ARMC2: variants seen among roughly 807,000 people sequenced by gnomAD.
The protein encoded by ARMC2 is armadillo repeat containing 2.
Under a neutral mutation model 90.3 loss-of-function variants are expected in ARMC2, and 67 were observed. The observed-to-expected ratio is 0.74, with a 90% CI of 0.61 to 0.91. The LOEUF is 0.91. Ranked by LOEUF, ARMC2 falls within the 40% of genes least tolerant of loss-of-function variation. The pLI, the probability that ARMC2 is intolerant of heterozygous loss-of-function variation, is 0.00. For synonymous variants in ARMC2, 393 were observed against 393.0 expected, an observed-to-expected ratio of 1.00 and a Z score of 0.00; for missense variants, 920 against 1,030.9, an observed-to-expected ratio of 0.89 and a Z score of 1.47.
At chr6:108,973,315 A>G in intron 17 of ARMC2, 42 bp from the exon 18 acceptor site, 2 of 1,537,382 alleles carry the variant, frequency 1.3e-6, no homozygotes, top group Non-Finnish European at 1.8e-6. Context: ...CAATAGGATT[A>G]CATTTCTAAA....
the ARMC2 span, among the ~76,000 whole-genome samples, chr6:109,021,389 AC>A: frequency 5.9e-5 from 9 of 152,068 alleles, no homozygotes; most frequent in Non-Finnish European, 8.8e-5. Context: ...TTTCCATACA[AC>A]CCTAGAGTAG....
At chr6:108,975,007 T>G (rs2128523063), downstream of ARMC2, among the ~76,000 whole-genome samples, 1 of 152,200 alleles carries the variant, frequency 6.6e-6, no homozygotes, top group East Asian at 1.9e-4. Context: ...CTCTCTTTTT[T>G]TTTTTCTTAA....
At chr6:108,884,910 GGAAC>G (rs1777930886) in intron 5 of ARMC2, among the ~76,000 whole-genome samples, 1 of 152,150 alleles carries the variant, frequency 6.6e-6, no homozygotes, top group African/African-American at 2.4e-5. Context: ...AAGCAGAGAT[GGAAC>G]CCTGCATGGC....
chr6:108,994,490 T>C, the ARMC2 span: 1 of 1,613,000 alleles, frequency 6.2e-7, no homozygotes, highest in East Asian at 2.2e-5. Flanking sequence ...TACTCTCTCT[T>C]TTTTCTATTT....
At chr6:108,932,320 T>C (rs1364810032) in intron 11 of ARMC2, among the ~76,000 whole-genome samples, 1 of 151,812 alleles carries the variant, frequency 6.6e-6, no homozygotes, top group Non-Finnish European at 1.5e-5. Context: ...CCCGTTCCTA[T>C]GTCCAGGATA....
chr6:108,854,262 G>A lies in ARMC2; in HGVS notation c.-6G>A. 2 of 1,592,446 alleles carry A rather than the reference G, an allele frequency of 1.3e-6. No homozygotes were observed. Among genetic ancestry groups the A allele is most frequent in the Non-Finnish European group, 8.6e-7 (1 of 1,168,892 alleles). ...ATCTGAAGAATATTTTACTTTCAAA[G>A]GAAAGATGCTGTCTCCAAATGATAA... is the stretch of plus-strand genomic sequence containing the variant. On this transcript the variant is annotated 5_prime_UTR_variant, in exon 2 of 18. Transcript: ENST00000392644.
At chr6:108,884,089 CT>C (rs1777849902) in intron 5 of ARMC2, among the ~76,000 whole-genome samples, 1 of 152,186 alleles carries the variant, frequency 6.6e-6, no homozygotes, top group South Asian at 2.1e-4. Flanking sequence ...GGCTGAGAAA[CT>C]TTCCATTTGG....
chr6:108,906,395 A>G (rs1583067785), intron 8 of ARMC2, among the ~76,000 whole-genome samples: 1 of 152,160 alleles, frequency 6.6e-6, no homozygotes. Context: ...AATTTGCCAA[A>G]TTTACTTTAA....
the ARMC2 span, among the ~76,000 whole-genome samples, chr6:109,017,415 A>C: frequency 3.9e-5 from 6 of 152,210 alleles, no homozygotes; most frequent in Non-Finnish European, 8.8e-5. Context: ...CCTCCCAAGC[A>C]GCTGGGACTA....
the ARMC2 span, among the ~76,000 whole-genome samples, chr6:108,991,082 C>A: frequency 0.1 from 14,883 of 148,562 alleles, 941 homozygotes; most frequent in South Asian, 0.18. Flanking sequence ...AAAACAACAA[C>A]AAAAAAAAAC....
chr6:109,021,442 C>T, the ARMC2 span, among the ~76,000 whole-genome samples: 1 of 152,024 alleles, frequency 6.6e-6, no homozygotes, highest in Non-Finnish European at 1.5e-5. Context: ...ATTTATCAGT[C>T]ATATCTTGCC....
chr6:108,873,984 A>G (rs956881594), intron 4 of ARMC2, among the ~76,000 whole-genome samples: 1 of 152,222 alleles, frequency 6.6e-6, no homozygotes, highest in Non-Finnish European at 1.5e-5. Flanking sequence ...AGGGTGTGGT[A>G]TATAACAGGT....
chr6:109,009,515 C>T, the ARMC2 span: 2 of 1,196,888 alleles, frequency 1.7e-6, no homozygotes, highest in South Asian at 3.9e-5. Context: ...GGGCAGCCGG[C>T]CGCGGCTCCT....
At chr6:108,928,043 T>C (rs748700290) in intron 10 of ARMC2, 45 bp from the exon 11 acceptor site, 17 of 1,549,574 alleles carry the variant, frequency 1.1e-5, no homozygotes, top group Non-Finnish European at 1.2e-5. Flanking sequence ...TGTGGTTATA[T>C]TTTTTCAGTT....
intron 11 of ARMC2, among the ~76,000 whole-genome samples, chr6:108,932,097 C>A (rs1775607883): frequency 6.6e-6 from 1 of 151,896 alleles, no homozygotes; most frequent in East Asian, 1.9e-4. Context: ...TTGTTTTTCT[C>A]TTGTAAATTT....
intron 4 of ARMC2, 83 bp from the exon 5 acceptor site, chr6:108,876,060 C>A (rs937904592): frequency 2.6e-6 from 3 of 1,173,998 alleles, no homozygotes; most frequent in African/African-American, 3.2e-5. Context: ...CATATAAATT[C>A]TTAGATTGAA....
Position 108,965,034 on chromosome 6 carries a change from G to A in ARMC2, c.2340G>A (p.Leu780=), listed in dbSNP as rs755103492. The A allele has an allele frequency of 1.2e-6, 2 of 1,613,586 alleles. No individual in the cohort carries two copies. Among genetic ancestry groups the A allele is most frequent in the Non-Finnish European group, 1.7e-6 (2 of 1,179,634 alleles). The stretch of plus-strand genomic sequence containing the variant: ...CTACTGATTGGCAGCTGGCCTGCTT[G>A]GTTTGTAAAACTTTATGGAACTTCA... ...LGPTDWQLAC[L]VCKTLWNFSE... The change falls in exon 17 of 18, where the codon TTG becomes TTA. Residue 780 remains leucine, a synonymous_variant. Transcript: ENST00000392644.
chr6:108,952,473 A>T (rs371393701), intron 12 of ARMC2, among the ~76,000 whole-genome samples: 1 of 150,486 alleles, frequency 6.6e-6, no homozygotes, highest in Non-Finnish European at 1.5e-5. Context: ...ACAGGGGGCA[A>T]TTTTGGCTGT....
At chr6:108,923,772 G>A (rs760204869) in intron 10 of ARMC2, among the ~76,000 whole-genome samples, 1 of 152,018 alleles carries the variant, frequency 6.6e-6, no homozygotes, top group Non-Finnish European at 1.5e-5. Context: ...TCTGCGTGGT[G>A]GCCTTTTCCT....
Sources: gnomAD v4.1 joint callset for allele counts (sites outside exome capture counted in the v4.1 genomes callset) on GRCh38, gnomAD v4.1.1 for gene constraint, MANE v1.5 for transcripts, NCBI Gene and HGNC (gene_info 2026-07-23, HGNC 2026-07-21) for gene names.